Variants in AKAP19 observed in about 807,000 individuals in gnomAD.
AKAP19 encodes the protein small A-kinase anchoring protein.
At chr2:190,108,437 T>C in the AKAP19 span, among the ~76,000 whole-genome samples, 1 of 152,238 alleles carries the variant, frequency 6.6e-6, no homozygotes, top group Non-Finnish European at 1.5e-5. Flanking sequence ...ATTACAGGCG[T>C]CAGCCACTAT....
At chr2:189,947,321 G>C in the AKAP19 span, among the ~76,000 whole-genome samples, 1 of 152,048 alleles carries the variant, frequency 6.6e-6, no homozygotes, top group Non-Finnish European at 1.5e-5. Context: ...TTGATATATG[G>C]CTATTTTATA....
chr2:189,966,192 A>G, the AKAP19 span, among the ~76,000 whole-genome samples: 1 of 145,426 alleles, frequency 6.9e-6, no homozygotes, highest in Non-Finnish European at 1.5e-5. Context: ...TGGGGGGGAA[A>G]GGGTGAGAAG....
chr2:190,128,607 T>C, the AKAP19 span, among the ~76,000 whole-genome samples: 1,268 of 152,344 alleles, frequency 8.3e-3, 23 homozygotes, highest in African/African-American at 0.029. Context: ...ATGTTTATGA[T>C]GTACGTCTTC....
chr2:190,183,061 C>T, the AKAP19 span, among the ~76,000 whole-genome samples: 5 of 152,166 alleles, frequency 3.3e-5, no homozygotes, highest in Non-Finnish European at 7.4e-5. Flanking sequence ...AGGACAAGTC[C>T]TTTTACTGTG....
the AKAP19 span, among the ~76,000 whole-genome samples, chr2:190,198,030 A>C: frequency 6.6e-6 from 1 of 152,226 alleles, no homozygotes; most frequent in Non-Finnish European, 1.5e-5. Flanking sequence ...GACAGTCCCC[A>C]TCTTCAGTTC....
At chr2:190,174,382 C>A in the AKAP19 span, among the ~76,000 whole-genome samples, 1 of 152,212 alleles carries the variant, frequency 6.6e-6, no homozygotes, top group Admixed American at 6.5e-5. Flanking sequence ...TAAATACAGT[C>A]CCTTGTCCAT....
the AKAP19 span, among the ~76,000 whole-genome samples, chr2:190,044,641 C>A: frequency 1.3e-5 from 2 of 152,070 alleles, no homozygotes; most frequent in Non-Finnish European, 2.9e-5. Context: ...GGAGGACCTA[C>A]CTGGTGAGGA....
chr2:190,076,978 T>A, the AKAP19 span, among the ~76,000 whole-genome samples: 1 of 152,194 alleles, frequency 6.6e-6, no homozygotes, highest in Non-Finnish European at 1.5e-5. Context: ...TTTCTCTCTG[T>A]ACTTCAGTTT....
the AKAP19 span, among the ~76,000 whole-genome samples, chr2:190,044,672 T>C: frequency 6.6e-6 from 1 of 152,138 alleles, no homozygotes; most frequent in Non-Finnish European, 1.5e-5. Context: ...TGGGCACCCA[T>C]GTAACAGGCT....
At chr2:189,986,294 C>T in the AKAP19 span, among the ~76,000 whole-genome samples, 1 of 151,696 alleles carries the variant, frequency 6.6e-6, no homozygotes, top group African/African-American at 2.4e-5. Context: ...ATGGACTTTT[C>T]TCTTCCTCTT....
chr2:189,975,236 A>G, the AKAP19 span, among the ~76,000 whole-genome samples: 2 of 152,164 alleles, frequency 1.3e-5, no homozygotes, highest in Non-Finnish European at 2.9e-5. Flanking sequence ...TCCTTCACTT[A>G]TGAAGCTTAG....
At chr2:189,943,607 A>AC in the AKAP19 span, among the ~76,000 whole-genome samples, 10 of 152,170 alleles carry the variant, frequency 6.6e-5, no homozygotes, top group South Asian at 2.1e-4. Flanking sequence ...TGTCCTCCAG[A>AC]CCCCAGAATG....
chr2:190,086,310 T>A, the AKAP19 span, among the ~76,000 whole-genome samples: 1 of 152,226 alleles, frequency 6.6e-6, no homozygotes, highest in Non-Finnish European at 1.5e-5. Flanking sequence ...TAGTTGTTAG[T>A]AGGAGCAGTC....
the AKAP19 span, among the ~76,000 whole-genome samples, chr2:190,069,136 A>ATGTGTGTGTGTGTGTG: frequency 7.8e-6 from 1 of 127,672 alleles, no homozygotes; most frequent in African/African-American, 3.0e-5. Context: ...GTGCATGCAT[A>ATGTGTGTGTGTGTGTG]TGTGTGTGTG....
chr2:190,015,664 C>A, the AKAP19 span, among the ~76,000 whole-genome samples: 1 of 152,224 alleles, frequency 6.6e-6, no homozygotes, highest in Non-Finnish European at 1.5e-5. Flanking sequence ...TTCTTTTCTA[C>A]TGCATGGTCA....
At chr2:189,927,207 T>C in the AKAP19 span, among the ~76,000 whole-genome samples, 10 of 152,320 alleles carry the variant, frequency 6.6e-5, no homozygotes, top group South Asian at 6.2e-4. Context: ...AACTTAATTT[T>C]GCAATACCTT....
chr2:189,910,260 G>A, the AKAP19 span, among the ~76,000 whole-genome samples: 2 of 152,172 alleles, frequency 1.3e-5, no homozygotes, highest in African/African-American at 2.4e-5. Flanking sequence ...AGGAAATCTT[G>A]TAGAACAGGA....
At chr2:189,939,891 G>C in the AKAP19 span, among the ~76,000 whole-genome samples, 1 of 152,090 alleles carries the variant, frequency 6.6e-6, no homozygotes, top group African/African-American at 2.4e-5. Context: ...AACACCTGTG[G>C]TACCAGCAAT....
chr2:190,179,205 C>T, the AKAP19 span, among the ~76,000 whole-genome samples: 1 of 152,066 alleles, frequency 6.6e-6, no homozygotes, highest in Admixed American at 6.5e-5. This position sits in a 1 kb window ranked among gnomAD's most constrained non-coding sequence, Gnocchi z 6.0. Context: ...GTCTGGGGTT[C>T]GGGATCAGCC....
Sources: gnomAD v4.1 joint callset for allele counts (sites outside exome capture counted in the v4.1 genomes callset) on GRCh38, gnomAD v4.1.1 for gene constraint, Gnocchi (gnomAD v3.1) non-coding constraint, MANE v1.5 for transcripts, NCBI Gene and HGNC (gene_info 2026-07-23, HGNC 2026-07-21) for gene names.